FRMD1: variants seen among roughly 807,000 people sequenced by gnomAD.
The protein encoded by FRMD1 is FERM domain containing 1.
FRMD1 carries 51 observed loss-of-function variants against 54.9 expected under a neutral mutation model. The observed-to-expected ratio is 0.93, with a 90% confidence interval of 0.74 to 1.17. The LOEUF is 1.17. Among genes scored for constraint, FRMD1 ranks in the 50% most tolerant of loss-of-function variants. The pLI is 0.00. For synonymous variants in FRMD1, 324 were observed against 306.4 expected (o/e 1.06, Z -0.60); for missense variants, 729 against 743.0 (o/e 0.98, Z 0.22).
At chr6:168,081,331 C>T, upstream of FRMD1, 1 of 1,516,456 alleles carries the variant, frequency 6.6e-7, no homozygotes, top group African/African-American at 1.4e-5. Flanking sequence ...CGGGCCCCAA[C>T]ACTGACCCCA....
chr6:168,081,629 A>T, upstream of FRMD1: 1 of 1,036,418 alleles, frequency 9.6e-7, no homozygotes, highest in South Asian at 2.1e-5. Context: ...GTTTTGGAAA[A>T]CAATGTGGGA....
At chr6:168,075,959 T>G in intron 1 of FRMD1, 1 of 894,142 alleles carries the variant, frequency 1.1e-6, no homozygotes, top group Non-Finnish European at 1.7e-6. Context: ...ATTTCCGGTG[T>G]CCCGTGTCCG....
chr6:168,070,984 C>A (rs745506228), intron 2 of FRMD1, among the ~76,000 whole-genome samples: 1 of 152,218 alleles, frequency 6.6e-6, no homozygotes, highest in Non-Finnish European at 1.5e-5. Context: ...GCAGGCAGAT[C>A]GGGACACACC....
rs755425552 is a variant in FRMD1, at chr6:168,067,425, T to G, written c.326A>C (p.Asp109Ala). 6.2e-7 allele frequency: 1 copy of G among 1,606,634 alleles called. No homozygotes were observed. The highest frequency in any genetic ancestry group is 8.5e-7 in the Non-Finnish European group (1 of 1,175,348). ...GTACTTGCTGAGCTTTTGCTCCAAATCCATAAATATATACTCATTGTCTGA... is the reference window on the plus strand; with the variant it reads ...GTACTTGCTGAGCTTTTGCTCCAAAGCCATAAATATATACTCATTGTCTGA... ...VVRNNEYIFM[D>A]LEQKLSKYFS... Residue 109 changes from aspartate to alanine, a missense_variant, in exon 3 of 11, where the codon GAT (aspartate) becomes GCT (alanine). Transcript: ENST00000283309.
Position 168,057,001 on chromosome 6 carries a change from G to T in FRMD1, c.*96C>A. 7.4e-7 allele frequency: 1 copy of T among 1,352,680 alleles called. No homozygotes were observed. The highest frequency in any genetic ancestry group is 9.7e-7 in the Non-Finnish European group (1 of 1,033,582). 83.8% of individuals were successfully genotyped at this position (1,352,680 alleles called of 1,614,324 possible). Reference sequence around the variant, plus strand: ...CGTGCTGGCTGCGGAAGTGCAGGCAGCATCTGGCGGGCAGGAAGGGACGAG... The same window carrying T: ...CGTGCTGGCTGCGGAAGTGCAGGCATCATCTGGCGGGCAGGAAGGGACGAG... On this transcript the variant is annotated 3_prime_UTR_variant, in exon 11 of 11. Coordinates refer to ENST00000283309, the MANE Select transcript of FRMD1 (RefSeq NM_024919.6).
chr6:168,079,776 AAG>A (rs1315109483), upstream of FRMD1, among the ~76,000 whole-genome samples: 3 of 152,136 alleles, frequency 2.0e-5, no homozygotes, highest in Non-Finnish European at 4.4e-5. Context: ...GAAGGCCAGG[AAG>A]GGGGTCCTGG....
At chr6:168,089,182 G>A (rs1800973442) in intron 1 of FRMD1, among the ~76,000 whole-genome samples, 1 of 152,358 alleles carries the variant, frequency 6.6e-6, no homozygotes, top group Non-Finnish European at 1.5e-5. Context: ...ATCAGCCTCC[G>A]CCAGTGGTTC....
chr6:168,082,839 C>T (rs1562434033), upstream of FRMD1, among the ~76,000 whole-genome samples: 1 of 152,220 alleles, frequency 6.6e-6, no homozygotes, highest in Non-Finnish European at 1.5e-5. Flanking sequence ...GCGGATAGTG[C>T]AGGGCCTGGG....
At chr6:168,076,481 G>A (rs896558329) in intron 1 of FRMD1, among the ~76,000 whole-genome samples, 1 of 152,194 alleles carries the variant, frequency 6.6e-6, no homozygotes, top group African/African-American at 2.4e-5. Flanking sequence ...GAATCACGGG[G>A]GTGGTTCCCC....
At chr6:168,078,287 G>C (rs112214406) in intron 1 of FRMD1, among the ~76,000 whole-genome samples, 46 of 152,216 alleles carry the variant, frequency 3.0e-4, no homozygotes, top group African/African-American at 1.0e-3. Flanking sequence ...CACAAGACAG[G>C]AGCTGCTCCT....
chr6:168,056,425 C>T lies in FRMD1; in HGVS notation c.*672G>A, dbSNP rs1799405986. On this transcript the variant is annotated 3_prime_UTR_variant, in exon 11 of 11. Transcript: ENST00000283309. ...GATGGGAGCAGAGTCGGCTTCAGCT[C>T]CGGGGCAGTGGGGTCTTTGGAAGCC... The T allele has an allele frequency of 2.0e-5, 3 of 152,414 alleles. No homozygotes were observed. The highest frequency in any genetic ancestry group is 6.5e-5 in the Admixed American group (1 of 15,284). The allele number at this position is 152,414 out of a possible 1,614,324, so 9.4% of individuals were successfully genotyped here.
At position 168,054,218 on chromosome 6, in the gene FRMD1, ACCCACAGAAG is replaced by A. The variant is rs1397107328; in HGVS notation, c.*2869_*2878del. The A allele has an allele frequency of 1.3e-5, 2 of 152,174 alleles. No individual in the cohort carries two copies. Among genetic ancestry groups the A allele is most frequent in the Admixed American group, 6.5e-5 (1 of 15,276 alleles). The allele number at this position is 152,174 out of a possible 1,614,324, so 9.4% of individuals were successfully genotyped here. Reference sequence around the variant, plus strand: ...AATGCAGGTTCCGGGGCCCAGCGAGACCCACAGAAGCAGACGCAGTGGGGGGCTGAGAAAC... The same window carrying A: ...AATGCAGGTTCCGGGGCCCAGCGAGACAGACGCAGTGGGGGGCTGAGAAAC... On this transcript the variant is annotated 3_prime_UTR_variant, in exon 11 of 11. Transcript: ENST00000283309.
intron 2 of FRMD1, among the ~76,000 whole-genome samples, chr6:168,069,777 T>C (rs1057497047): frequency 6.6e-5 from 10 of 152,162 alleles, no homozygotes; most frequent in African/African-American, 2.2e-4. Context: ...TTTCTCAAAA[T>C]CATCACTGTC....
intron 9 of FRMD1, among the ~76,000 whole-genome samples, chr6:168,060,021 G>GT (rs1239286964): frequency 6.9e-6 from 1 of 145,374 alleles, no homozygotes; most frequent in Non-Finnish European, 1.5e-5. Flanking sequence ...CTTCCTAGGA[G>GT]TGGGGGGCTT....
chr6:168,078,950 T>C lies in FRMD1; in HGVS notation c.145A>G (p.Met49Val), dbSNP rs1390012293. Residue 49 changes from methionine (M) to valine (V), a missense_variant, in exon 1 of 11, where the codon ATG becomes GTG. By Grantham distance (21) the Met-to-Val change is conservative. Transcript: ENST00000283309. ...QQEPTLGMDA[M>V]ASEHRDVLVL... Reference sequence around the variant, plus strand: ...AGGACATCCCTGTGTTCCGAGGCCATCGCGTCCATTCCCAGGGTCGGCTCC... The same window carrying C: ...AGGACATCCCTGTGTTCCGAGGCCACCGCGTCCATTCCCAGGGTCGGCTCC... 6.2e-7 allele frequency: 1 copy of C among 1,610,544 alleles called. No individual in the cohort carries two copies. Among genetic ancestry groups the C allele is most frequent in the South Asian group, 1.1e-5 (1 of 91,042 alleles).
At chr6:168,081,365 A>G (rs1800824946), upstream of FRMD1, 1 of 1,533,430 alleles carries the variant, frequency 6.5e-7, no homozygotes, top group Non-Finnish European at 8.7e-7. Flanking sequence ...TGTCTTCTCG[A>G]CTGGCCTGTT....
chr6:168,085,014 C>T (rs1583213209), upstream of FRMD1, among the ~76,000 whole-genome samples: 1 of 152,208 alleles, frequency 6.6e-6, no homozygotes, highest in Admixed American at 6.5e-5. Context: ...CTCCCGTGTT[C>T]CTGGTCTGTG....
In FRMD1 at chr6:168,059,161, A is replaced by G. The variant is rs781577220; in HGVS notation, c.1370T>C (p.Val457Ala). The G allele has an allele frequency of 5.7e-6, 9 of 1,587,774 alleles. 1 individual carries two copies. The South Asian group carries it at 1.0e-4, about 18-fold the overall frequency. Residue 457 changes from valine to alanine, a missense_variant, in exon 10 of 11, where the codon GTC (valine) becomes GCC (alanine). Val to Ala is a moderately conservative substitution (Grantham distance 64). Coordinates refer to ENST00000283309, the MANE Select transcript of FRMD1 (RefSeq NM_024919.6). The surrounding 1 kb of genome is among the most constrained non-coding windows in gnomAD (Gnocchi z 4.4). ...QATRQEPCTQVRTRGQSAEAV... is the reference protein window; with the variant it reads ...QATRQEPCTQARTRGQSAEAV... ...CTCGGCGCTCTGGCCTCTGGTCCTG[A>G]CCTGGGTGCAGGGCTCCTGACGAGT...
chr6:168,090,796 G>A (rs1801003391), intron 1 of FRMD1, among the ~76,000 whole-genome samples: 2 of 152,220 alleles, frequency 1.3e-5, no homozygotes, highest in Admixed American at 1.3e-4. Flanking sequence ...CAGGGCACAC[G>A]TCCACCATGC....
Sources: gnomAD v4.1 joint callset for allele counts (sites outside exome capture counted in the v4.1 genomes callset) on GRCh38, gnomAD v4.1.1 for gene constraint, Gnocchi (gnomAD v3.1) non-coding constraint, MANE v1.5 for transcripts, NCBI Gene and HGNC (gene_info 2026-07-23, HGNC 2026-07-21) for gene names.